ELMO2: variants seen among roughly 807,000 people sequenced by gnomAD.
ELMO2 encodes engulfment and cell motility protein 2.
In ELMO2, 37 loss-of-function variants were observed where a neutral mutation model predicts 96.2. That is an observed-to-expected ratio of 0.38 (90% CI 0.30 to 0.51). The LOEUF (loss-of-function observed/expected upper bound fraction) is 0.51, where lower values mean the gene tolerates loss of function less well. Ranked by LOEUF, ELMO2 falls within the 20% of genes least tolerant of loss-of-function variation. The pLI is 0.88. For missense variants in ELMO2, 561 were observed against 912.6 expected (o/e 0.61, Z 4.96); for synonymous variants, 315 against 329.4 (o/e 0.96, Z 0.47).
intron 20 of ELMO2, chr20:46,370,236 G>A: frequency 1.5e-6 from 1 of 680,238 alleles, no homozygotes; most frequent in Non-Finnish European, 2.7e-6. Context: ...AGAGAAACAA[G>A]TGGATGGGCA....
At chr20:46,370,153 A>G (rs1163010194) in intron 20 of ELMO2, 5 of 542,884 alleles carry the variant, frequency 9.2e-6, no homozygotes, top group African/African-American at 1.9e-5. Flanking sequence ...AATGTTATAC[A>G]CTATACGATG....
At chr20:46,403,479 C>T (rs1340628971) in intron 1 of ELMO2, among the ~76,000 whole-genome samples, 1 of 152,218 alleles carries the variant, frequency 6.6e-6, no homozygotes, top group African/African-American at 2.4e-5. Flanking sequence ...AAGCAGCCTC[C>T]ATGTAGGGTC....
In ELMO2 at chr20:46,375,527, C is replaced by G; in HGVS notation, c.930+141G>C. ...CAGCAGGACAGAAATGGGCTTGGCT[C>G]ATGGTGCAGATCATGCTAGATTTTC... On this transcript the variant is annotated intron_variant, in intron 12 of 21. Transcript: ENST00000290246. The surrounding 1 kb of genome is among the most constrained non-coding windows in gnomAD (Gnocchi z 4.6). 2.7e-6 allele frequency: 4 copies of G among 1,490,156 alleles called. No homozygotes were observed. Among genetic ancestry groups the G allele is most frequent in the Non-Finnish European group, 3.6e-6 (4 of 1,096,822 alleles). The allele number at this position is 1,490,156 out of a possible 1,614,324, so 92.3% of individuals were successfully genotyped here.
Position 46,373,170 on chromosome 20 carries a change from C to A in ELMO2, c.1416+229G>T, listed in dbSNP as rs547174784. The A allele has an allele frequency of 2.0e-5, 11 of 543,822 alleles. No individual in the cohort carries two copies. The South Asian group carries it at 2.5e-4, about 12-fold the overall frequency. The allele number at this position is 543,822 out of a possible 1,614,324, so 33.7% of individuals were successfully genotyped here. A position where few individuals can be genotyped will look rare whatever the true frequency, so the allele number is the denominator to read the frequency against. On this transcript the variant is annotated intron_variant, in intron 16 of 21. Coordinates refer to ENST00000290246, the MANE Select transcript of ELMO2 (RefSeq NM_133171.5). ...GGACGGGAGGGACAGGTGCTAACTT[C>A]AATGGACAAATGAGGGCCTACGGCA...
intron 6 of ELMO2, 46 bp downstream of exon 6, chr20:46,393,046 AT>A (rs1446916056): frequency 1.3e-6 from 2 of 1,560,668 alleles, no homozygotes; most frequent in South Asian, 2.2e-5. Flanking sequence ...AGGTGCTCAT[AT>A]TTGTTTGTGA....
At chr20:46,369,051 C>G in intron 20 of ELMO2, 83 bp from the exon 21 acceptor site, 1 of 1,263,748 alleles carries the variant, frequency 7.9e-7, no homozygotes, top group Non-Finnish European at 1.2e-6. Flanking sequence ...CCTAGTGACT[C>G]GGCATCATCA....
intron 6 of ELMO2, chr20:46,391,010 G>C (rs1192773333): frequency 1.3e-5 from 2 of 152,462 alleles, no homozygotes; most frequent in East Asian, 1.9e-4. Context: ...TTTTCCTCCT[G>C]AGACAGCATT....
At chr20:46,379,514 CA>C (rs1730957426) in intron 11 of ELMO2, among the ~76,000 whole-genome samples, 1 of 152,190 alleles carries the variant, frequency 6.6e-6, no homozygotes, top group South Asian at 2.1e-4. Flanking sequence ...CTGGTTACTT[CA>C]CAAGCTCAAT....
intron 20 of ELMO2, 138 bp downstream of exon 20, chr20:46,370,305 G>C: frequency 1.2e-6 from 1 of 804,742 alleles, no homozygotes; most frequent in Non-Finnish European, 2.2e-6. Context: ...ATCTATTTTT[G>C]TGTATGTTCA....
chr20:46,405,625 C>T (rs1568797741), intron 1 of ELMO2, among the ~76,000 whole-genome samples: 1 of 151,992 alleles, frequency 6.6e-6, no homozygotes, highest in Admixed American at 6.6e-5. Context: ...CGGTGGCTCA[C>T]GCCTGTAATC....
At chr20:46,399,519 C>A (rs2060301411) in intron 1 of ELMO2, among the ~76,000 whole-genome samples, 1 of 152,180 alleles carries the variant, frequency 6.6e-6, no homozygotes, top group Non-Finnish European at 1.5e-5. Context: ...CTTTCCCTGG[C>A]AAAAGTAAAT....
At chr20:46,376,308 C>A (rs2059858296) in intron 11 of ELMO2, among the ~76,000 whole-genome samples, 1 of 152,124 alleles carries the variant, frequency 6.6e-6, no homozygotes, top group Non-Finnish European at 1.5e-5. Flanking sequence ...ACAGTTCACT[C>A]TCCTACCAGC....
intron 7 of ELMO2, 117 bp from the exon 8 acceptor site, chr20:46,387,554 C>T (rs1177764558): frequency 2.3e-5 from 15 of 664,376 alleles, no homozygotes; most frequent in Non-Finnish European, 3.4e-5. Context: ...GGAAATCAGT[C>T]GATGCAACTG....
intron 1 of ELMO2, among the ~76,000 whole-genome samples, chr20:46,402,626 C>T (rs1414447859): frequency 6.6e-6 from 1 of 152,156 alleles, no homozygotes; most frequent in African/African-American, 2.4e-5. Flanking sequence ...ACTAAAATCT[C>T]GGGCTGTGAA....
intron 9 of ELMO2, among the ~76,000 whole-genome samples, chr20:46,384,897 T>C (rs1335852846): frequency 2.0e-5 from 3 of 151,482 alleles, no homozygotes; most frequent in African/African-American, 7.3e-5. Context: ...GAGCCTGCAG[T>C]GAGTTATGAT....
intron 16 of ELMO2, 191 bp downstream of exon 16, chr20:46,373,208 C>T (rs1306217198): frequency 8.9e-6 from 6 of 673,814 alleles, no homozygotes; most frequent in African/African-American, 3.6e-5. Flanking sequence ...AAGTGGAAGA[C>T]AAGCTCAAGG....
chr20:46,371,802 T>C lies in ELMO2; in HGVS notation c.1580+4A>G. 1 of 1,614,128 alleles carries C rather than the reference T, an allele frequency of 6.2e-7. No individual in the cohort carries two copies. The highest frequency in any genetic ancestry group is 8.5e-7 in the Non-Finnish European group (1 of 1,179,978). ...CCGCCAGCCTCCCCTGAGATGGAAC[T>C]TACACAATTGGCGGGGACTGGAAGT... On this transcript the variant is annotated splice_donor_region_variant and intron_variant, in intron 17 of 21. Transcript: ENST00000290246. This position sits in a 1 kb window ranked among gnomAD's most constrained non-coding sequence, Gnocchi z 5.9.
At chr20:46,383,201 C>T (rs2059987197) in intron 10 of ELMO2, among the ~76,000 whole-genome samples, 1 of 152,124 alleles carries the variant, frequency 6.6e-6, no homozygotes, top group African/African-American at 2.4e-5. Context: ...TTTGAAGGGC[C>T]CTGCTCTCAT....
At chr20:46,370,598 G>C in intron 19 of ELMO2, 73 bp from the exon 20 acceptor site, 7 of 1,391,116 alleles carry the variant, frequency 5.0e-6, no homozygotes, top group Non-Finnish European at 7.1e-6. Flanking sequence ...AGTGCTGGAA[G>C]GGAGGTACTG....
Sources: allele counts gnomAD v4.1 joint callset (sites outside exome capture counted in the v4.1 genomes callset), GRCh38; gene constraint gnomAD v4.1.1; non-coding constraint Gnocchi (gnomAD v3.1); transcripts MANE v1.5; gene names NCBI Gene and HGNC (gene_info 2026-07-23, HGNC 2026-07-21).